Variants in PHF19 observed in about 807,000 individuals in gnomAD.
PHF19 encodes the protein PHD finger protein 19, also known as polycomb like 3.
Under a neutral mutation model 79.8 loss-of-function variants are expected in PHF19, and 21 were observed. The observed-to-expected ratio is 0.26, with a 90% CI of 0.19 to 0.38. The LOEUF (loss-of-function observed/expected upper bound fraction) is 0.38, where lower values mean the gene tolerates loss of function less well. Among genes scored for constraint, PHF19 ranks in the 10% least tolerant of loss-of-function variants. The pLI is 1.00. For missense variants in PHF19, 445 were observed against 744.2 expected (o/e 0.60, Z 4.68); for synonymous variants, 273 against 296.3 (o/e 0.92, Z 0.81).
upstream of PHF19, among the ~76,000 whole-genome samples, chr9:120,899,121 C>T (rs182413656): frequency 1.3e-5 from 2 of 151,854 alleles, no homozygotes; most frequent in South Asian, 2.1e-4. Context: ...ATCTGTTGAA[C>T]CCAGGAGGCA....
chr9:120,874,866 G>C lies in PHF19; in HGVS notation c.-15-110C>G. On this transcript the variant is annotated intron_variant, in intron 1 of 14. Transcript: ENST00000373896. The surrounding 1 kb of genome is among the most constrained non-coding windows in gnomAD (Gnocchi z 4.5). ...GTACCCTGTGCTATAAGCCAGACTT[G>C]GTTATTATCTCACTGATTCCTCGTG... The C allele has an allele frequency of 3.1e-6, 2 of 652,184 alleles. No individual in the cohort carries two copies. The highest frequency in any genetic ancestry group is 3.7e-5 in the South Asian group (2 of 53,864). 40.4% of individuals were successfully genotyped at this position (652,184 alleles called of 1,614,324 possible). A position where few individuals can be genotyped will look rare whatever the true frequency, so the allele number is the denominator to read the frequency against.
In PHF19 at chr9:120,860,033, G is replaced by C. The variant is rs1322759033; in HGVS notation, c.1400+57C>G. On this transcript the variant is annotated intron_variant, in intron 14 of 14. Transcript: ENST00000373896. The surrounding 1 kb of genome is among the most constrained non-coding windows in gnomAD (Gnocchi z 4.1). ...CATTACAGAAGTGGGAGGTGGAGGG[G>C]CTGAGAGGAATGATGGTCCTTGCAA... The C allele has an allele frequency of 1.3e-5, 11 of 864,326 alleles. No homozygotes were observed. The highest frequency in any genetic ancestry group is 1.9e-5 in the Non-Finnish European group (10 of 519,280). The allele number at this position is 864,326 out of a possible 1,614,324, so 53.5% of individuals were successfully genotyped here.
chr9:120,869,659 A>G lies in PHF19; in HGVS notation c.465+186T>C. On this transcript the variant is annotated intron_variant, in intron 5 of 14. Coordinates refer to ENST00000373896, the MANE Select transcript of PHF19 (RefSeq NM_015651.3). This position sits in a 1 kb window ranked among gnomAD's most constrained non-coding sequence, Gnocchi z 5.8. ...GACACCAAACCCATCTCCACTTTAC[A>G]GTTGAGGAAACTGAGGCTCAGGGAG... 6.5e-7 allele frequency: 1 copy of G among 1,545,832 alleles called. No individual in the cohort carries two copies. Among genetic ancestry groups the G allele is most frequent in the Non-Finnish European group, 8.8e-7 (1 of 1,142,628 alleles).
intron 1 of PHF19, among the ~76,000 whole-genome samples, chr9:120,886,530 C>T (rs765243763): frequency 6.6e-6 from 1 of 152,204 alleles, no homozygotes; most frequent in Non-Finnish European, 1.5e-5. Flanking sequence ...AGGCTCAAAC[C>T]ACGAGTCATT....
chr9:120,859,440 T>C (rs1321261317), intron 14 of PHF19, among the ~76,000 whole-genome samples: 1 of 152,082 alleles, frequency 6.6e-6, no homozygotes, highest in African/African-American at 2.4e-5. Flanking sequence ...CTTTTAATTC[T>C]ACTTTTGCAA....
At chr9:120,896,831 T>C (rs1042817714), upstream of PHF19, among the ~76,000 whole-genome samples, 1 of 152,252 alleles carries the variant, frequency 6.6e-6, no homozygotes, top group African/African-American at 2.4e-5. Flanking sequence ...TGAAGTTTCA[T>C]CTACTTATCC....
At position 120,870,347 on chromosome 9, in the gene PHF19, C is replaced by T; in HGVS notation, c.364+96G>A. 1.3e-6 allele frequency: 1 copy of T among 768,498 alleles called. No homozygotes were observed. 47.6% of individuals were successfully genotyped at this position (768,498 alleles called of 1,614,324 possible). The stretch of plus-strand genomic sequence containing the variant: ...AGTGCCAAGAGAAACAGGAAGCCAG[C>T]TGAGGCCCCAACAGGCTGCAGCAGT... On this transcript the variant is annotated intron_variant, in intron 4 of 14. Transcript: ENST00000373896. The surrounding 1 kb of genome is among the most constrained non-coding windows in gnomAD (Gnocchi z 4.4).
chr9:120,872,737 G>A lies in PHF19; in HGVS notation c.268+1242C>T, dbSNP rs538633399. ...GTCTCGCTCTGTTGCCCAGGCTGGA[G>A]TGCAGTGGTGTGATCTCAGCTCACT... On this transcript the variant is annotated intron_variant, in intron 3 of 14. Coordinates refer to ENST00000373896, the MANE Select transcript of PHF19 (RefSeq NM_015651.3). 6.1e-4 allele frequency among the ~76,000 whole-genome samples: 91 copies of A among 148,886 alleles called. No homozygotes were observed. The South Asian group carries it at 8.9e-3, about 15-fold the overall frequency.
At position 120,860,250 on chromosome 9, in the gene PHF19, C is replaced by T. The variant is rs896690889; in HGVS notation, c.1305-65G>A. 2.1e-5 allele frequency: 18 copies of T among 851,452 alleles called. No homozygotes were observed. Among genetic ancestry groups the T allele is most frequent in the East Asian group, 1.3e-4 (5 of 37,822 alleles). The allele number at this position is 851,452 out of a possible 1,614,324, so 52.7% of individuals were successfully genotyped here. ...CCAGCAAGTTCCTGCCAACCTGGCC[C>T]GCAGGTTCCCCTAACATGCATCCTT... On this transcript the variant is annotated intron_variant, in intron 13 of 14. Coordinates refer to ENST00000373896, the MANE Select transcript of PHF19 (RefSeq NM_015651.3). This position sits in a 1 kb window ranked among gnomAD's most constrained non-coding sequence, Gnocchi z 4.1.
rs778758129 is a variant in PHF19, at chr9:120,869,708, G to C, written c.465+137C>G. ...AGTCTACAAATCCTGGCCAAGGACAGTGGCAGAGGCGCTATCTGTCTCCAA... is the reference window on the plus strand; with the variant it reads ...AGTCTACAAATCCTGGCCAAGGACACTGGCAGAGGCGCTATCTGTCTCCAA... On this transcript the variant is annotated intron_variant, in intron 5 of 14. Coordinates refer to ENST00000373896, the MANE Select transcript of PHF19 (RefSeq NM_015651.3). The surrounding 1 kb of genome is among the most constrained non-coding windows in gnomAD (Gnocchi z 5.8). 26 of 1,555,798 alleles carry C rather than the reference G, an allele frequency of 1.7e-5. No individual in the cohort carries two copies. The Admixed American group carries it at 4.9e-4, about 29-fold the overall frequency.
upstream of PHF19, chr9:120,877,439 C>A: frequency 1.3e-6 from 1 of 749,284 alleles, no homozygotes; most frequent in South Asian, 5.9e-5. Flanking sequence ...CAGCCCCCGC[C>A]CGCCCCCGCC....
chr9:120,897,270 G>C (rs1342513038), upstream of PHF19, among the ~76,000 whole-genome samples: 1 of 152,228 alleles, frequency 6.6e-6, no homozygotes, highest in African/African-American at 2.4e-5. Flanking sequence ...GAGGCGGCAA[G>C]TGCTAAAAAT....
At chr9:120,901,441 C>T in the PHF19 span, among the ~76,000 whole-genome samples, 3 of 152,100 alleles carry the variant, frequency 2.0e-5, no homozygotes, top group Admixed American at 6.5e-5. Flanking sequence ...ATGATCCACC[C>T]GCCTTGGCTT....
chr9:120,878,343 A>G (rs749618052), upstream of PHF19, among the ~76,000 whole-genome samples: 9 of 152,158 alleles, frequency 5.9e-5, no homozygotes, highest in Non-Finnish European at 7.4e-5. Context: ...AAAGGCAGAC[A>G]TGGCCCCACC....
rs1477901491 is a variant in PHF19 at position 120,874,662 on chromosome 9, G to A, written c.80C>T (p.Ala27Val). ...GTCTTTGAAGTTGTTCTTGACCTTC[G>A]CCAGGGCCCCCTTGTTGGGGAGGTG... ...TSHLPNKGAL[A>V]KVKNNFKDLM... Residue 27 changes from alanine (A) to valine (V), a missense_variant, in exon 2 of 15, where the codon GCG (alanine) becomes GTG (valine). Transcript: ENST00000373896. This position sits in a 1 kb window ranked among gnomAD's most constrained non-coding sequence, Gnocchi z 4.5. The A allele has an allele frequency of 1.3e-5, 21 of 1,613,438 alleles. No homozygotes were observed. Among genetic ancestry groups the A allele is most frequent in the African/African-American group, 9.3e-5 (7 of 74,900 alleles).
At chr9:120,898,175 GGC>G (rs2046417066), upstream of PHF19, among the ~76,000 whole-genome samples, 1 of 152,148 alleles carries the variant, frequency 6.6e-6, no homozygotes, top group Non-Finnish European at 1.5e-5. Context: ...GGAGTGCAAT[GGC>G]ACGATCTCAG....
rs1379663080 is a variant in PHF19 at position 120,876,931 on chromosome 9, C to G, written c.-16+160G>C. The G allele has an allele frequency of 2.7e-5, 26 of 978,940 alleles. No homozygotes were observed. The Admixed American group carries it at 3.1e-4, about 12-fold the overall frequency. 60.6% of individuals were successfully genotyped at this position (978,940 alleles called of 1,614,324 possible). A position where few individuals can be genotyped will look rare whatever the true frequency, so the allele number is the denominator to read the frequency against. ...GGGGCCCCTCTGCCCCGCAGGTAAC[C>G]TGCACCCCCGGTCCCCACCCCCGAG... is the stretch of plus-strand genomic sequence containing the variant. On this transcript the variant is annotated intron_variant, in intron 1 of 14. Coordinates refer to ENST00000373896, the MANE Select transcript of PHF19 (RefSeq NM_015651.3).
chr9:120,898,050 T>G (rs900542736), upstream of PHF19, among the ~76,000 whole-genome samples: 3 of 152,148 alleles, frequency 2.0e-5, no homozygotes, highest in Non-Finnish European at 4.4e-5. Context: ...CTGGTGTATA[T>G]TTCAGACAGA....
chr9:120,899,495 CAA>C (rs1261417216), upstream of PHF19, among the ~76,000 whole-genome samples: 21 of 94,984 alleles, frequency 2.2e-4, no homozygotes, highest in Admixed American at 7.0e-4. Flanking sequence ...GACTCCGTCT[CAA>C]AAAAAAAAAA....
Sources: allele counts gnomAD v4.1 joint callset (sites outside exome capture counted in the v4.1 genomes callset), GRCh38; gene constraint gnomAD v4.1.1; non-coding constraint Gnocchi (gnomAD v3.1); transcripts MANE v1.5; gene names NCBI Gene and HGNC (gene_info 2026-07-23, HGNC 2026-07-21).